Variants in EPB41 observed in about 807,000 individuals in gnomAD.
EPB41 encodes erythrocyte membrane protein band 4.1.
A neutral mutation model predicts 108.0 loss-of-function variants in EPB41; 65 were observed. The ratio of observed to expected loss-of-function variants is 0.60; its 90% CI spans 0.49 to 0.74. EPB41 has a LOEUF of 0.74. Among genes scored for constraint, EPB41 ranks in the 30% least tolerant of loss-of-function variants. EPB41 has a pLI of 0.00. For missense variants in EPB41, 875 were observed against 1,037.0 expected, an observed-to-expected ratio of 0.84 and a Z score of 2.15; for synonymous variants, 336 against 358.9, an observed-to-expected ratio of 0.94 and a Z score of 0.72.
intron 11 of EPB41, among the ~76,000 whole-genome samples, chr1:29,042,429 CT>C (rs1358877470): frequency 3.3e-5 from 5 of 151,986 alleles, no homozygotes; most frequent in African/African-American, 1.2e-4. Context: ...AGCAGTAGGA[CT>C]TTTGTGCTTC....
At position 29,018,084 on chromosome 1, in the gene EPB41, ATTTAC is replaced by A. The variant is rs535389596; in HGVS notation, c.906-137_906-133del. 9.8e-4 allele frequency: 721 copies of A among 734,346 alleles called. 3 individuals are homozygous for A. The highest frequency in any genetic ancestry group is 1.6e-3 in the Non-Finnish European group (689 of 430,560). The allele number at this position is 734,346 out of a possible 1,614,324, so 45.5% of individuals were successfully genotyped here. A position where few individuals can be genotyped will look rare whatever the true frequency, so the allele number is the denominator to read the frequency against. Reference sequence around the variant, plus strand: ...TAGATTGAAGTTATTATTATCTCATATTTACTTAATTGCTTTCTTTTCTTCTGTGT... The same window carrying A: ...TAGATTGAAGTTATTATTATCTCATATTAATTGCTTTCTTTTCTTCTGTGT... On this transcript the variant is annotated intron_variant, in intron 6 of 20. Transcript: ENST00000343067. This position sits in a 1 kb window ranked among gnomAD's most constrained non-coding sequence, Gnocchi z 4.4.
intron 11 of EPB41, among the ~76,000 whole-genome samples, chr1:29,046,136 T>A (rs552023307): frequency 6.6e-6 from 1 of 151,834 alleles, no homozygotes; most frequent in South Asian, 2.1e-4. Flanking sequence ...AATTTTATTT[T>A]TTTTTTGAGA....
At chr1:29,061,366 T>G (rs949300576) in intron 15 of EPB41, among the ~76,000 whole-genome samples, 1 of 151,798 alleles carries the variant, frequency 6.6e-6, no homozygotes, top group African/African-American at 2.4e-5. Flanking sequence ...GCTTCCCGGG[T>G]TCACGCCATT....
intron 11 of EPB41, 125 bp downstream of exon 11, chr1:29,039,551 A>G (rs1416943464): frequency 1.6e-6 from 2 of 1,254,854 alleles, no homozygotes; most frequent in Admixed American, 2.1e-5. Flanking sequence ...AGTGGCTTAC[A>G]CCTGTAATCC....
Position 29,116,808 on chromosome 1 carries a change from G to C in EPB41, c.*7-11G>C, listed in dbSNP as rs1671105796. ...GCAGGATTTTAAATTTTGCTTCTTT[G>C]TTTTCTCTAGGAACTAACCTACCCC... On this transcript the variant is annotated splice_polypyrimidine_tract_variant and intron_variant, in intron 20 of 20. Transcript: ENST00000343067. The C allele has an allele frequency of 6.6e-6, 1 of 152,120 alleles. No individual in the cohort carries two copies. The highest frequency in any genetic ancestry group is 1.5e-5 in the Non-Finnish European group (1 of 68,032). 9.4% of individuals were successfully genotyped at this position (152,120 alleles called of 1,614,324 possible).
At chr1:28,894,687 TGACCCTG>T (rs2090476169) in intron 1 of EPB41, among the ~76,000 whole-genome samples, 3 of 152,080 alleles carry the variant, frequency 2.0e-5, no homozygotes, top group Admixed American at 2.0e-4. Context: ...TGTCCAGGTG[TGACCCTG>T]GACAAGGCAT....
chr1:28,925,438 TA>T (rs1481270418), intron 1 of EPB41, among the ~76,000 whole-genome samples: 2 of 152,118 alleles, frequency 1.3e-5, no homozygotes, highest in Non-Finnish European at 2.9e-5. Flanking sequence ...TGGTAGGGGA[TA>T]AATAATAAAT....
chr1:29,108,835 G>C (rs992974068), intron 17 of EPB41, among the ~76,000 whole-genome samples: 2 of 150,806 alleles, frequency 1.3e-5, no homozygotes, highest in Non-Finnish European at 2.9e-5. Flanking sequence ...AGGATTACAG[G>C]CATGAGCCAC....
chr1:28,996,531 C>T (rs967795543), intron 3 of EPB41, among the ~76,000 whole-genome samples: 11 of 152,160 alleles, frequency 7.2e-5, no homozygotes, highest in East Asian at 3.9e-4. Context: ...TAAGTAGTCA[C>T]GGTAACTGAC....
rs34773048 is a variant in EPB41, at chr1:28,964,626, TA to T, written c.-7-22801del. On this transcript the variant is annotated intron_variant, in intron 1 of 20. Transcript: ENST00000343067. ...TGTCTCAAATAAATAAATAAATAAA[TA>T]AAATAAATAAATAAATAAAATTTTC... Among the ~76,000 whole-genome samples the T allele has an allele frequency of 1.8e-4, 27 of 146,968 alleles. 1 individual carries two copies. In the Middle Eastern group the frequency reaches 0.018, roughly 98 times the overall value.
chr1:29,073,572 G>T (rs968490946), intron 16 of EPB41, among the ~76,000 whole-genome samples: 4 of 152,102 alleles, frequency 2.6e-5, no homozygotes, highest in African/African-American at 9.7e-5. Flanking sequence ...ACTCCTTATT[G>T]ATATTTGACC....
intron 2 of EPB41, among the ~76,000 whole-genome samples, chr1:28,990,300 C>CTTCCTTCCTTCT: frequency 8.4e-6 from 1 of 118,484 alleles, no homozygotes; most frequent in Admixed American, 8.7e-5. Flanking sequence ...TTCAAATTTC[C>CTTCCTTCCTTCT]TTCCTTCCTT....
intron 1 of EPB41, among the ~76,000 whole-genome samples, chr1:28,980,631 T>G (rs2095715249): frequency 6.6e-6 from 1 of 151,840 alleles, no homozygotes; most frequent in Admixed American, 6.6e-5. Context: ...GTGGGAGAAT[T>G]GCCTGAGCCC....
intron 17 of EPB41, among the ~76,000 whole-genome samples, chr1:29,098,890 T>C (rs1664221065): frequency 6.6e-6 from 1 of 151,740 alleles, no homozygotes; most frequent in African/African-American, 2.4e-5. Flanking sequence ...TGCACATGGC[T>C]AATTTTTGTA....
chr1:29,113,564 G>T (rs1290124069), intron 19 of EPB41, among the ~76,000 whole-genome samples: 2 of 152,214 alleles, frequency 1.3e-5, no homozygotes, highest in East Asian at 3.9e-4. Flanking sequence ...TACGTGCTCA[G>T]TCTGCACTAG....
intron 17 of EPB41, among the ~76,000 whole-genome samples, chr1:29,102,028 A>G (rs1422827007): frequency 6.6e-6 from 1 of 152,260 alleles, no homozygotes; most frequent in African/African-American, 2.4e-5. Context: ...GTCGAGAGAG[A>G]CAGAGAAATG....
rs2096812888 is a variant in EPB41, at chr1:29,033,237, C to A, written c.1357C>A (p.Pro453Thr). The stretch of plus-strand genomic sequence containing the variant: ...TAGTAGCTTTTTCATCAAGATTCGG[C>A]CTGGAGAGGTACAGAATTTATATTT... The part of the protein sequence containing the change: ...KRSSFFIKIR[P>T]GEQEQYESTI... Residue 453 changes from proline to threonine, a missense_variant, in exon 9 of 21, where the codon CCT (proline) becomes ACT (threonine). Coordinates refer to ENST00000343067, the MANE Select transcript of EPB41 (RefSeq NM_001376013.1). 6.2e-7 allele frequency: 1 copy of A among 1,613,756 alleles called. No homozygotes were observed. The highest frequency in any genetic ancestry group is 1.3e-5 in the African/African-American group (1 of 74,898).
chr1:29,074,895 AC>A (rs1307770850), intron 16 of EPB41, among the ~76,000 whole-genome samples: 1 of 152,248 alleles, frequency 6.6e-6, no homozygotes, highest in Admixed American at 6.5e-5. Context: ...GCGGTGGCTC[AC>A]GCCTATAATC....
Position 28,993,454 on chromosome 1 carries a change from A to G in EPB41, c.593A>G (p.Lys198Arg). Residue 198 changes from lysine to arginine, a missense_variant, in exon 3 of 21, where the codon AAA becomes AGA. Transcript: ENST00000343067. The part of the protein sequence containing the change: ...SPQSKAETEL[K>R]ASQKPIRKHR... ...CAATCAAAAGCAGAAACAGAATTAA[A>G]AGCTTCCCAAAAACCAATCAGAAAA... is the stretch of plus-strand genomic sequence containing the variant. 6.2e-7 allele frequency: 1 copy of G among 1,613,998 alleles called. No homozygotes were observed. Among genetic ancestry groups the G allele is most frequent in the Non-Finnish European group, 8.5e-7 (1 of 1,179,992 alleles).
Sources: allele counts gnomAD v4.1 joint callset (sites outside exome capture counted in the v4.1 genomes callset), GRCh38; gene constraint gnomAD v4.1.1; non-coding constraint Gnocchi (gnomAD v3.1); transcripts MANE v1.5; gene names NCBI Gene and HGNC (gene_info 2026-07-23, HGNC 2026-07-21).